TAFA1: variants seen among roughly 807,000 people sequenced by gnomAD.
TAFA1 encodes the protein chemokine-like protein TAFA-1.
In TAFA1, 4 loss-of-function variants were observed where a neutral mutation model predicts 18.5. The observed-to-expected ratio is 0.22, with a 90% CI of 0.11 to 0.49. TAFA1 has a LOEUF of 0.49. TAFA1 is among the 20% of genes least tolerant of loss of function. TAFA1 has a pLI of 0.98. For missense variants in TAFA1, 147 were observed against 169.0 expected, an observed-to-expected ratio of 0.87 and a Z score of 0.72; for synonymous variants, 56 against 55.2, an observed-to-expected ratio of 1.01 and a Z score of -0.06.
chr3:68,059,270 G>GCA (rs71902636), intron 2 of TAFA1, among the ~76,000 whole-genome samples: 19 of 149,656 alleles, frequency 1.3e-4, no homozygotes, highest in South Asian at 2.1e-4. Context: ...ACACACGCAT[G>GCA]CACACACACA....
chr3:68,145,305 C>T (rs1328999377), intron 2 of TAFA1: 3 of 790,874 alleles, frequency 3.8e-6, no homozygotes, highest in Non-Finnish European at 7.0e-6. Context: ...TGGTCTGAGA[C>T]AGTCCAGCCA....
intron 3 of TAFA1, among the ~76,000 whole-genome samples, chr3:68,430,719 G>A (rs1394260059): frequency 6.6e-6 from 1 of 151,928 alleles, no homozygotes; most frequent in Non-Finnish European, 1.5e-5. Context: ...CTCCACACAT[G>A]TTGTTACCCA....
chr3:68,338,195 T>C (rs975381781), intron 2 of TAFA1, among the ~76,000 whole-genome samples: 2 of 152,168 alleles, frequency 1.3e-5, no homozygotes, highest in African/African-American at 4.8e-5. Context: ...GTAATGGAAC[T>C]CATCCATCAC....
At chr3:68,425,084 C>T (rs900301893) in intron 3 of TAFA1, among the ~76,000 whole-genome samples, 4 of 151,944 alleles carry the variant, frequency 2.6e-5, no homozygotes, top group African/African-American at 9.7e-5. Flanking sequence ...AGTGACATGT[C>T]GGGCTCAACT....
intron 2 of TAFA1, among the ~76,000 whole-genome samples, chr3:68,195,741 C>A (rs1231943436): frequency 6.6e-6 from 1 of 151,602 alleles, no homozygotes; most frequent in African/African-American, 2.4e-5. Flanking sequence ...ATATATCAGG[C>A]CACAGAGATT....
At chr3:68,311,740 G>A (rs2068521858) in intron 2 of TAFA1, among the ~76,000 whole-genome samples, 1 of 152,218 alleles carries the variant, frequency 6.6e-6, no homozygotes, top group Non-Finnish European at 1.5e-5. Context: ...GAGTGTCTGT[G>A]GGTTTTTCAG....
chr3:68,537,784 A>G (rs1199559367), intron 3 of TAFA1, among the ~76,000 whole-genome samples: 1 of 152,190 alleles, frequency 6.6e-6, no homozygotes, highest in East Asian at 1.9e-4. Flanking sequence ...CCTCTTCCAT[A>G]TGCATTTGGC....
intron 2 of TAFA1, among the ~76,000 whole-genome samples, chr3:68,410,115 A>T (rs1003132724): frequency 6.6e-6 from 1 of 152,160 alleles, no homozygotes; most frequent in Admixed American, 6.6e-5. Context: ...TGCCGGAAAT[A>T]ATCTTGAAAT....
intron 2 of TAFA1, among the ~76,000 whole-genome samples, chr3:68,227,061 C>T (rs997047977): frequency 5.9e-5 from 9 of 152,108 alleles, no homozygotes; most frequent in African/African-American, 2.2e-4. Flanking sequence ...CAGATGCACA[C>T]AAATGAAACA....
chr3:68,241,385 GA>G (rs767906516), intron 2 of TAFA1, among the ~76,000 whole-genome samples: 1 of 152,072 alleles, frequency 6.6e-6, no homozygotes, highest in Non-Finnish European at 1.5e-5. Context: ...GATGTTTTTG[GA>G]CTAACAATAC....
intron 2 of TAFA1, among the ~76,000 whole-genome samples, chr3:68,115,727 C>T (rs2065317416): frequency 6.6e-6 from 1 of 152,146 alleles, no homozygotes; most frequent in Admixed American, 6.5e-5. Context: ...CAGGAGATGC[C>T]TACACCTTAT....
At chr3:68,072,348 C>T (rs1362303389) in intron 2 of TAFA1, among the ~76,000 whole-genome samples, 1 of 152,044 alleles carries the variant, frequency 6.6e-6, no homozygotes, top group African/African-American at 2.4e-5. Context: ...AGGTAGAGGT[C>T]AGGTTGTGAA....
intron 2 of TAFA1, among the ~76,000 whole-genome samples, chr3:68,104,460 A>G (rs181498473): frequency 6.6e-6 from 1 of 152,190 alleles, no homozygotes; most frequent in African/African-American, 2.4e-5. Context: ...GGTTAAAAAT[A>G]TCACATTCCT....
At chr3:68,288,954 G>A (rs1479729071) in intron 2 of TAFA1, among the ~76,000 whole-genome samples, 1 of 152,190 alleles carries the variant, frequency 6.6e-6, no homozygotes, top group Non-Finnish European at 1.5e-5. Flanking sequence ...ACTAGGCCAA[G>A]TTACTTCAGT....
At chr3:68,325,925 ATCCCAAATTCACAATCACTGCT>A (rs1195852157) in intron 2 of TAFA1, among the ~76,000 whole-genome samples, 1 of 152,198 alleles carries the variant, frequency 6.6e-6, no homozygotes, top group African/African-American at 2.4e-5. Flanking sequence ...TGGAACCCAG[ATCCCAAATTCACAATCACTGCT>A]TTGTGATTGG....
intron 3 of TAFA1, among the ~76,000 whole-genome samples, chr3:68,435,704 A>G (rs974348707): frequency 6.6e-6 from 1 of 152,192 alleles, no homozygotes; most frequent in African/African-American, 2.4e-5. Flanking sequence ...TCCAATAGGA[A>G]ATCTTGGCAT....
chr3:68,402,185 C>T (rs1430687163), intron 2 of TAFA1, among the ~76,000 whole-genome samples: 2 of 152,032 alleles, frequency 1.3e-5, no homozygotes, highest in Admixed American at 1.3e-4. Context: ...TAACTAATTC[C>T]CTTCCCTCCA....
intron 2 of TAFA1, among the ~76,000 whole-genome samples, chr3:68,246,589 C>CAAAAAAAAA (rs63748968): frequency 0.016 from 862 of 55,324 alleles, 188 homozygotes; most frequent in Admixed American, 0.022. Context: ...GACTCCGTCT[C>CAAAAAAAAA]AAAAAAAAAA....
chr3:68,311,651 C>T (rs2068519382), intron 2 of TAFA1, among the ~76,000 whole-genome samples: 1 of 152,244 alleles, frequency 6.6e-6, no homozygotes, highest in Admixed American at 6.5e-5. Flanking sequence ...GAGGTGGGTT[C>T]CCATGGTCTT....
Sources: allele counts gnomAD v4.1 joint callset (sites outside exome capture counted in the v4.1 genomes callset), GRCh38; gene constraint gnomAD v4.1.1; transcripts MANE v1.5; gene names NCBI Gene and HGNC (gene_info 2026-07-23, HGNC 2026-07-21).